The following PADI2 variants were observed in gnomAD, a reference collection of about 807,000 sequenced individuals.
PADI2 encodes peptidyl arginine deiminase 2, also known as protein-arginine deiminase type-2.
Under a neutral mutation model 81.1 loss-of-function variants are expected in PADI2, and 70 were observed. The ratio of observed to expected loss-of-function variants is 0.86; its 90% CI spans 0.71 to 1.05. The LOEUF is 1.05. Among genes scored for constraint, PADI2 ranks in the 50% least tolerant of loss-of-function variants. The pLI is 0.00. For synonymous variants in PADI2, 338 were observed against 358.0 expected (o/e 0.94, Z 0.63); for missense variants, 853 against 889.9 (o/e 0.96, Z 0.53).
intron 10 of PADI2, among the ~76,000 whole-genome samples, chr1:17,082,342 CTA>C (rs923207371): frequency 6.6e-6 from 1 of 152,144 alleles, no homozygotes; most frequent in African/African-American, 2.4e-5. Flanking sequence ...AGAAAACTCT[CTA>C]TGTTTTGGAA....
At chr1:17,085,572 G>A (rs1225074556) in intron 7 of PADI2, among the ~76,000 whole-genome samples, 6 of 152,144 alleles carry the variant, frequency 3.9e-5, no homozygotes, top group Admixed American at 3.3e-4. Context: ...AACCACCCCC[G>A]GCAGCAGAAA....
chr1:17,112,234 C>T (rs991233414), intron 1 of PADI2, among the ~76,000 whole-genome samples: 7 of 152,046 alleles, frequency 4.6e-5, no homozygotes, highest in South Asian at 2.1e-4. Context: ...GTCAAACAAA[C>T]GACACTTGCC....
chr1:17,071,506 G>A lies in PADI2; in HGVS notation c.1550-15C>T. ...CCCACCCAAGCCTGTGGGGTTCAAA[G>A]GACAGGGGATGGTCAAGCTTTAGAT... On this transcript the variant is annotated splice_polypyrimidine_tract_variant and intron_variant, in intron 13 of 15. Transcript: ENST00000375486. 2.5e-6 allele frequency: 4 copies of A among 1,604,124 alleles called. No homozygotes were observed. The African/African-American group carries it at 5.3e-5, about 21-fold the overall frequency.
Position 17,069,210 on chromosome 1 carries a change from T to A in PADI2, c.1832A>T (p.Glu611Val). The A allele has an allele frequency of 6.2e-7, 1 of 1,614,148 alleles. No individual in the cohort carries two copies. The highest frequency in any genetic ancestry group is 8.5e-7 in the Non-Finnish European group (1 of 1,179,988). The change falls in exon 16 of 16, where the codon GAA becomes GTA. Residue 611 changes from glutamate to valine, a missense_variant. Coordinates refer to ENST00000375486, the MANE Select transcript of PADI2 (RefSeq NM_007365.3). Reference sequence around the variant, plus strand: ...ACGCACGTGCATCTCCAGGCAGCATTCCTCCTCAACCTGTGGCCCGAATGG... The same window carrying A: ...ACGCACGTGCATCTCCAGGCAGCATACCTCCTCAACCTGTGGCCCGAATGG... The part of the protein sequence containing the change: ...PKPFGPQVEE[E>V]CCLEMHVRGL...
intron 14 of PADI2, 105 bp downstream of exon 14, chr1:17,071,301 C>A (rs1391867846): frequency 6.4e-6 from 5 of 779,744 alleles, no homozygotes; most frequent in African/African-American, 1.7e-5. Flanking sequence ...GGGTCAGGAG[C>A]TCCTGAGCCC....
intron 2 of PADI2, among the ~76,000 whole-genome samples, chr1:17,104,232 G>C (rs1931258272): frequency 6.6e-6 from 1 of 151,472 alleles, no homozygotes; most frequent in African/African-American, 2.4e-5. Context: ...GGAGCTTGCA[G>C]TGAGCCGAGA....
chr1:17,070,714 T>G (rs572117125), intron 14 of PADI2, among the ~76,000 whole-genome samples: 1 of 152,254 alleles, frequency 6.6e-6, no homozygotes, highest in Admixed American at 6.5e-5. Flanking sequence ...CACGCCGGAG[T>G]GCAGTGGCAC....
intron 4 of PADI2, among the ~76,000 whole-genome samples, chr1:17,094,315 C>T (rs1226137669): frequency 6.6e-6 from 1 of 152,194 alleles, no homozygotes. Context: ...CACTCTGCCC[C>T]ACCCATCCCG....
chr1:17,086,167 AC>A (rs1458095858), intron 7 of PADI2, among the ~76,000 whole-genome samples: 1 of 152,104 alleles, frequency 6.6e-6, no homozygotes, highest in African/African-American at 2.4e-5. Flanking sequence ...TGGTCAGCAA[AC>A]CCCACCTGGG....
chr1:17,095,558 G>A (rs1436626396), intron 4 of PADI2, among the ~76,000 whole-genome samples: 1 of 152,190 alleles, frequency 6.6e-6, no homozygotes, highest in Non-Finnish European at 1.5e-5. Context: ...TCTGTCCTGA[G>A]GGTCTGTCTC....
chr1:17,102,752 G>GGT (rs370603948), intron 3 of PADI2, among the ~76,000 whole-genome samples: 3 of 27,794 alleles, frequency 1.1e-4, no homozygotes, highest in Non-Finnish European at 2.0e-4. Flanking sequence ...CTTGACACTT[G>GGT]GGGGGGGGTT....
chr1:17,084,561 C>T, intron 8 of PADI2, 38 bp downstream of exon 8: 1 of 1,377,994 alleles, frequency 7.3e-7, no homozygotes. Context: ...CTTGGCCACT[C>T]TGCCACGCTG....
intron 2 of PADI2, among the ~76,000 whole-genome samples, chr1:17,104,469 C>T (rs1424132220): frequency 1.1e-5 from 1 of 92,258 alleles, no homozygotes; most frequent in Non-Finnish European, 1.9e-5. Context: ...GAGTCTCGCT[C>T]TGTCGCCCAG....
At chr1:17,118,948 C>T (rs573625595) in intron 1 of PADI2, among the ~76,000 whole-genome samples, 3 of 151,810 alleles carry the variant, frequency 2.0e-5, no homozygotes, top group African/African-American at 7.3e-5. Context: ...GGGGAGAGGA[C>T]GGCAGGGAAG....
chr1:17,105,554 C>G (rs1931342093), intron 1 of PADI2, among the ~76,000 whole-genome samples: 1 of 152,110 alleles, frequency 6.6e-6, no homozygotes, highest in Non-Finnish European at 1.5e-5. Context: ...ACCACCACAG[C>G]TGGCTAATTT....
intron 2 of PADI2, among the ~76,000 whole-genome samples, chr1:17,104,482 T>C (rs1301832304): frequency 9.8e-6 from 1 of 102,532 alleles, no homozygotes; most frequent in Non-Finnish European, 1.8e-5. Flanking sequence ...TCGCCCAGGC[T>C]GGAGTGCAGT....
In PADI2 at chr1:17,109,721, C is replaced by T. The variant is rs543692702; in HGVS notation, c.93-4660G>A. On this transcript the variant is annotated intron_variant, in intron 1 of 15. Coordinates refer to ENST00000375486, the MANE Select transcript of PADI2 (RefSeq NM_007365.3). ...GGCCTGGCTGGTCTTGAATTTCTGA[C>T]CTCAAGTGATCCGTTCGCCTTGGCC... 3.9e-5 allele frequency among the ~76,000 whole-genome samples: 6 copies of T among 152,192 alleles called. No homozygotes were observed. The South Asian group carries it at 1.0e-3, about 26-fold the overall frequency.
intron 6 of PADI2, among the ~76,000 whole-genome samples, chr1:17,086,987 C>T (rs1930491777): frequency 6.6e-6 from 1 of 152,154 alleles, no homozygotes; most frequent in African/African-American, 2.4e-5. Flanking sequence ...AGGAAATTGC[C>T]AGCTGAGCAG....
At chr1:17,075,647 C>T (rs1052325950) in intron 12 of PADI2, 32 bp downstream of exon 12, 9 of 1,594,556 alleles carry the variant, frequency 5.6e-6, no homozygotes, top group Non-Finnish European at 6.8e-6. Flanking sequence ...TGCTGCTACC[C>T]CATTCACTCC....
Sources: gnomAD v4.1 joint callset for allele counts (sites outside exome capture counted in the v4.1 genomes callset) on GRCh38, gnomAD v4.1.1 for gene constraint, MANE v1.5 for transcripts, NCBI Gene and HGNC (gene_info 2026-07-23, HGNC 2026-07-21) for gene names.